DSCAM: variants seen among roughly 807,000 people sequenced by gnomAD.
The protein encoded by DSCAM is DS cell adhesion molecule.
In DSCAM, 47 loss-of-function variants were observed where a neutral mutation model predicts 217.7. The observed-to-expected ratio is 0.22, with a 90% CI of 0.17 to 0.28. The LOEUF is 0.28. Among genes scored for constraint, DSCAM ranks in the 10% least tolerant of loss-of-function variants. The pLI is 1.00. For missense variants in DSCAM, 2,080 were observed against 2,618.3 expected (o/e 0.79, Z 4.49); for synonymous variants, 1,056 against 1,015.3 (o/e 1.04, Z -0.76).
At chr21:40,505,416 T>C (rs551635014) in intron 3 of DSCAM, among the ~76,000 whole-genome samples, 25 of 152,306 alleles carry the variant, frequency 1.6e-4, no homozygotes, top group African/African-American at 5.8e-4. Flanking sequence ...TAGGAAAGTT[T>C]AGTGAAAGTC....
intron 22 of DSCAM, among the ~76,000 whole-genome samples, chr21:40,086,742 C>A (rs2146575596): frequency 6.6e-6 from 1 of 152,274 alleles, no homozygotes; most frequent in Non-Finnish European, 1.5e-5. Flanking sequence ...CTAATGTACT[C>A]CATTTCTTAA....
chr21:40,075,116 C>T lies in DSCAM; in HGVS notation c.4809G>A (p.Leu1603=), dbSNP rs1295832171. The change falls in exon 27 of 33, where the codon CTG becomes CTA. Residue 1603 remains leucine, a synonymous_variant. Coordinates refer to ENST00000400454, the MANE Select transcript of DSCAM (RefSeq NM_001389.5). ...GCACAAACAGCAGCAAGACCCCCAC[C>T]AGGATACAGGAGATGGTCACCAGCA... The part of the protein sequence containing the change: ...LKMLVTISCI[L]VGVLLLFVLL... 1.2e-6 allele frequency: 2 copies of T among 1,614,208 alleles called. No homozygotes were observed. Among genetic ancestry groups the T allele is most frequent in the East Asian group, 2.2e-5 (1 of 44,872 alleles).
At chr21:40,503,126 A>G (rs2076182820) in intron 3 of DSCAM, among the ~76,000 whole-genome samples, 1 of 152,200 alleles carries the variant, frequency 6.6e-6, no homozygotes. Context: ...CGCATTAAGA[A>G]TATCTATTAT....
chr21:40,599,978 A>T (rs931235635), intron 3 of DSCAM, among the ~76,000 whole-genome samples: 3 of 152,126 alleles, frequency 2.0e-5, no homozygotes, highest in African/African-American at 7.2e-5. Context: ...CCTACCAACC[A>T]AAAAAAGCCC....
chr21:40,343,751 C>T (rs943957684), intron 6 of DSCAM, among the ~76,000 whole-genome samples: 3 of 151,954 alleles, frequency 2.0e-5, no homozygotes, highest in East Asian at 1.9e-4. Context: ...TGTAAGAACC[C>T]TGCAACAAAT....
intron 11 of DSCAM, chr21:40,212,339 C>T (rs768671281): frequency 6.5e-6 from 1 of 154,154 alleles, no homozygotes; most frequent in East Asian, 2.0e-4. Context: ...GAGGCCTCAC[C>T]TTGAGAGGCA....
chr21:40,378,929 C>G (rs1428824333), intron 3 of DSCAM, among the ~76,000 whole-genome samples: 1 of 152,094 alleles, frequency 6.6e-6, no homozygotes, highest in East Asian at 1.9e-4. Context: ...GAATGCCAAT[C>G]AAGGGATAAA....
chr21:40,665,973 G>GGCTTTTCT (rs1555877880), intron 3 of DSCAM, among the ~76,000 whole-genome samples: 3 of 151,384 alleles, frequency 2.0e-5, no homozygotes, highest in African/African-American at 7.3e-5. Context: ...AATCAGCTCA[G>GGCTTTTCT]GCTTTTCCCC....
rs186201541 is a variant in DSCAM, at chr21:40,489,937, G to A, written c.509-120692C>T. 2.7e-4 allele frequency among the ~76,000 whole-genome samples: 41 copies of A among 152,228 alleles called. No individual in the cohort carries two copies. The East Asian group carries it at 6.8e-3, about 25-fold the overall frequency. On this transcript the variant is annotated intron_variant, in intron 3 of 32. Transcript: ENST00000400454. Reference sequence around the variant, plus strand: ...TAAGATTTTGTAGGTGTGTTAGTCTGCTCTTATGCTGCTAATAAAGACATA... The same window carrying A: ...TAAGATTTTGTAGGTGTGTTAGTCTACTCTTATGCTGCTAATAAAGACATA...
intron 9 of DSCAM, among the ~76,000 whole-genome samples, chr21:40,305,487 T>C (rs2123473353): frequency 6.6e-6 from 1 of 152,290 alleles, no homozygotes; most frequent in East Asian, 1.9e-4. Context: ...TCCATTGCTT[T>C]TGGTGTTTTA....
chr21:40,707,727 A>T (rs1350787491), intron 2 of DSCAM, among the ~76,000 whole-genome samples: 8 of 152,246 alleles, frequency 5.3e-5, no homozygotes, highest in Admixed American at 1.3e-4. Flanking sequence ...GTTTGCTAAC[A>T]GGAGTCTAGC....
intron 28 of DSCAM, among the ~76,000 whole-genome samples, chr21:40,056,641 A>T (rs558456582): frequency 1.2e-4 from 18 of 152,342 alleles, no homozygotes; most frequent in Non-Finnish European, 1.9e-4. Flanking sequence ...GTCTTTACAG[A>T]ATAATAAGAC....
chr21:40,752,209 A>G (rs2091236048), intron 1 of DSCAM, among the ~76,000 whole-genome samples: 1 of 152,202 alleles, frequency 6.6e-6, no homozygotes, highest in Non-Finnish European at 1.5e-5. Context: ...AAAGGAGAGA[A>G]GGCTCCCTAA....
chr21:40,027,241 G>C (rs914428041), intron 32 of DSCAM, among the ~76,000 whole-genome samples: 1 of 152,300 alleles, frequency 6.6e-6, no homozygotes, highest in Non-Finnish European at 1.5e-5. Context: ...TCTGCCGAGA[G>C]ATCCACTGTT....
At chr21:40,300,161 C>T (rs191444156) in intron 9 of DSCAM, among the ~76,000 whole-genome samples, 4 of 152,260 alleles carry the variant, frequency 2.6e-5, no homozygotes, top group Admixed American at 6.5e-5. Flanking sequence ...ACTCCCATCA[C>T]GATGATTGCC....
chr21:40,164,675 G>A (rs1436628051), intron 16 of DSCAM, among the ~76,000 whole-genome samples: 6 of 152,082 alleles, frequency 3.9e-5, no homozygotes, highest in Non-Finnish European at 2.9e-5. Context: ...GGTGGCACAT[G>A]CCTGTAATCC....
At chr21:40,141,406 G>C (rs2090288250) in intron 18 of DSCAM, among the ~76,000 whole-genome samples, 1 of 152,202 alleles carries the variant, frequency 6.6e-6, no homozygotes, top group Non-Finnish European at 1.5e-5. Context: ...CTTGAGGCCA[G>C]GAGTTCAAGA....
intron 3 of DSCAM, among the ~76,000 whole-genome samples, chr21:40,437,798 C>A (rs931799625): frequency 6.6e-6 from 1 of 152,014 alleles, no homozygotes; most frequent in South Asian, 2.1e-4. Context: ...TGCAGTGAGC[C>A]GAGATCCTGC....
intron 10 of DSCAM, among the ~76,000 whole-genome samples, chr21:40,287,207 T>C (rs1403075829): frequency 6.9e-6 from 1 of 145,678 alleles, no homozygotes; most frequent in Non-Finnish European, 1.5e-5. Flanking sequence ...TGCAGTATGA[T>C]GTGCAGTGTG....
Sources: gnomAD v4.1 joint callset for allele counts (sites outside exome capture counted in the v4.1 genomes callset) on GRCh38, gnomAD v4.1.1 for gene constraint, MANE v1.5 for transcripts, NCBI Gene and HGNC (gene_info 2026-07-23, HGNC 2026-07-21) for gene names.